SORL1: variants seen among roughly 807,000 people sequenced by gnomAD.
SORL1 encodes the protein sortilin related receptor 1, also known as sortilin-related receptor.
In SORL1, 127 loss-of-function variants were observed where a neutral mutation model predicts 273.7. The observed-to-expected ratio is 0.46, with a 90% CI of 0.40 to 0.54. SORL1 has a LOEUF of 0.54. Among genes scored for constraint, SORL1 ranks in the 20% least tolerant of loss-of-function variants. The pLI is 0.00. For synonymous variants in SORL1, 1,031 were observed against 1,067.4 expected, an observed-to-expected ratio of 0.97 and a Z score of 0.66; for missense variants, 2,494 against 2,846.1, an observed-to-expected ratio of 0.88 and a Z score of 2.81.
rs1863881082 is a variant in SORL1, at chr11:121,631,800, CTAGAG to C, written c.*2240_*2244del. The C allele has an allele frequency of 6.6e-6, 1 of 152,168 alleles. No homozygotes were observed. Among genetic ancestry groups the C allele is most frequent in the African/African-American group, 2.4e-5 (1 of 41,430 alleles). 9.4% of individuals were successfully genotyped at this position (152,168 alleles called of 1,614,324 possible). A position where few individuals can be genotyped will look rare whatever the true frequency, so the allele number is the denominator to read the frequency against. The stretch of plus-strand genomic sequence containing the variant: ...TTTGAAAAAAAGCAGCCTTTTAGGG[CTAGAG>C]TATTTTATATAAACAGAAGAGCTAA... On this transcript the variant is annotated 3_prime_UTR_variant, in exon 48 of 48. Transcript: ENST00000260197.
chr11:121,533,380 T>A (rs1422232248), intron 12 of SORL1, among the ~76,000 whole-genome samples: 1 of 152,192 alleles, frequency 6.6e-6, no homozygotes, highest in Non-Finnish European at 1.5e-5. Context: ...GGATTAGCAC[T>A]TGGGTTTTTC....
chr11:121,570,396 A>C (rs1182642714), intron 23 of SORL1, 126 bp downstream of exon 23: 2 of 611,936 alleles, frequency 3.3e-6, no homozygotes, highest in Non-Finnish European at 5.9e-6. Flanking sequence ...ATCTAAGTTG[A>C]TGGGGCTTAG....
Position 121,542,749 on chromosome 11 carries a change from G to A in SORL1, c.1686-799G>A, listed in dbSNP as rs868079402. ...CTGGCCCCAACACTTTCACCGAATG[G>A]TTTTAGCATCCAGTGATGATCCTTG... is the stretch of plus-strand genomic sequence containing the variant. On this transcript the variant is annotated intron_variant, in intron 12 of 47. Transcript: ENST00000260197. 1.3e-5 allele frequency among the ~76,000 whole-genome samples: 2 copies of A among 151,582 alleles called. 1 individual carries two copies. The highest frequency in any genetic ancestry group is 4.2e-4 in the South Asian group (2 of 4,812).
chr11:121,482,245 A>G (rs1310509738), intron 3 of SORL1, among the ~76,000 whole-genome samples: 2 of 152,108 alleles, frequency 1.3e-5, no homozygotes, highest in Non-Finnish European at 2.9e-5. Context: ...GCAAGGGGAA[A>G]CTGGAGGGTG....
Position 121,513,101 on chromosome 11 carries a change from T to G in SORL1, c.1038T>G (p.Ile346Met), listed in dbSNP as rs933620397. Residue 346 changes from isoleucine (I) to methionine (M), a missense_variant, in exon 7 of 48, where the codon ATT (isoleucine) becomes ATG (methionine). This residue lies in a region of SORL1 where 710 missense variants were observed against 882.5 expected (regional missense o/e 0.80). Coordinates refer to ENST00000260197, the MANE Select transcript of SORL1 (RefSeq NM_003105.6). ...RAAQFVTRHP[I>M]NEYYIADASE... The stretch of plus-strand genomic sequence containing the variant: ...CCCAGTTTGTCACAAGACATCCTAT[T>G]AATGTGAGTGGGGTCTGCTTGAGGA... 1 of 1,603,382 alleles carries G rather than the reference T, an allele frequency of 6.2e-7. No individual in the cohort carries two copies. The highest frequency in any genetic ancestry group is 1.3e-5 in the African/African-American group (1 of 74,710).
chr11:121,514,999 C>A (rs1005810821), intron 8 of SORL1, among the ~76,000 whole-genome samples: 3 of 152,150 alleles, frequency 2.0e-5, no homozygotes, highest in African/African-American at 7.2e-5. Context: ...TTAGAGTCCC[C>A]TCTGCTCTTG....
intron 8 of SORL1, among the ~76,000 whole-genome samples, chr11:121,517,680 TC>T (rs1164711630): frequency 2.6e-5 from 4 of 152,120 alleles, no homozygotes; most frequent in South Asian, 2.1e-4. Context: ...CATGAAGGCC[TC>T]CCCTCCTTGC....
intron 19 of SORL1, among the ~76,000 whole-genome samples, 179 bp downstream of exon 19, chr11:121,557,584 T>C (rs1862610897): frequency 6.6e-6 from 1 of 152,178 alleles, no homozygotes; most frequent in Non-Finnish European, 1.5e-5. Context: ...TCCGTTCGCT[T>C]TTTGTTAGCC....
chr11:121,619,759 G>C lies in SORL1; in HGVS notation c.5731G>C (p.Val1911Leu). 6.2e-7 allele frequency: 1 copy of C among 1,614,012 alleles called. No homozygotes were observed. Among genetic ancestry groups the C allele is most frequent in the East Asian group, 2.2e-5 (1 of 44,888 alleles). The change falls in exon 43 of 48, where the codon GTA (valine) becomes CTA (leucine). Residue 1911 changes from valine to leucine, a missense_variant. Physicochemically the swap from Val to Leu is conservative, Grantham distance 32. This residue lies in a region of SORL1 where 1,609 missense variants were observed against 1,816.4 expected (regional missense o/e 0.89). Transcript: ENST00000260197. ...KDEQYLFLVR[V>L]VVPYQGPSSD... Reference sequence around the variant, plus strand: ...GTGTGTGCTTGGGCTTCAGGTCCGTGTAGTGGTACCCTACCAGGGGCCATC... The same window carrying C: ...GTGTGTGCTTGGGCTTCAGGTCCGTCTAGTGGTACCCTACCAGGGGCCATC...
At chr11:121,531,306 A>G (rs1427952144) in intron 11 of SORL1, among the ~76,000 whole-genome samples, 1 of 152,198 alleles carries the variant, frequency 6.6e-6, no homozygotes, top group Non-Finnish European at 1.5e-5. Context: ...AAGCAGGAGA[A>G]TCACTTGAAC....
Position 121,633,508 on chromosome 11 carries a change from G to A in SORL1, c.*3945G>A, listed in dbSNP as rs967593315. 1 of 152,160 alleles carries A rather than the reference G, an allele frequency of 6.6e-6. No individual in the cohort carries two copies. Among genetic ancestry groups the A allele is most frequent in the South Asian group, 2.1e-4 (1 of 4,832 alleles). The allele number at this position is 152,160 out of a possible 1,614,324, so 9.4% of individuals were successfully genotyped here. A position where few individuals can be genotyped will look rare whatever the true frequency, so the allele number is the denominator to read the frequency against. On this transcript the variant is annotated 3_prime_UTR_variant, in exon 48 of 48. Transcript: ENST00000260197. ...ATTTAAAGTGAAACACTGTATACTT[G>A]TTTCTCTCCAAAGCGAAATTAAGTA...
At chr11:121,487,972 G>C in intron 3 of SORL1, 60 bp from the exon 4 acceptor site, 1 of 1,578,586 alleles carries the variant, frequency 6.3e-7, no homozygotes, top group Non-Finnish European at 8.7e-7. Context: ...ACATGGTTTA[G>C]GGGAGTGTTG....
chr11:121,482,493 T>C (rs1436126040), intron 3 of SORL1, among the ~76,000 whole-genome samples: 2 of 152,192 alleles, frequency 1.3e-5, no homozygotes, highest in African/African-American at 2.4e-5. Context: ...TCTCTGTAGA[T>C]AGTTTCTAAT....
At position 121,566,975 on chromosome 11, in the gene SORL1, C is replaced by A; in HGVS notation, c.3085C>A (p.Leu1029Met). Residue 1029 changes from leucine to methionine, a missense_variant, in exon 22 of 48, where the codon CTG becomes ATG. Coordinates refer to ENST00000260197, the MANE Select transcript of SORL1 (RefSeq NM_003105.6). ...CTGTGTGCCCAGGCCATGCAGCCTG[C>A]TGTGCCTGCCCAAGGCCAACAACAG... ...NACVPRPCSL[L>M]CLPKANNSRS... 1 of 1,614,008 alleles carries A rather than the reference C, an allele frequency of 6.2e-7. No individual in the cohort carries two copies. Among genetic ancestry groups the A allele is most frequent in the Non-Finnish European group, 8.5e-7 (1 of 1,179,940 alleles).
In SORL1 at chr11:121,504,940, G is replaced by A. The variant is rs73593197; in HGVS notation, c.939+7891G>A. Among the ~76,000 whole-genome samples the A allele has an allele frequency of 9.0e-3, 1,376 of 152,150 alleles. 20 individuals are homozygous for A. Among genetic ancestry groups the A allele is most frequent in the African/African-American group, 0.032 (1,312 of 41,524 alleles). ...TGTCAGTGCTTTTTCTGTGTCAGTT[G>A]CAATGATCATATGTTTCTTTTTTTT... On this transcript the variant is annotated intron_variant, in intron 6 of 47. Transcript: ENST00000260197.
At chr11:121,468,296 G>A (rs562434066) in intron 1 of SORL1, among the ~76,000 whole-genome samples, 1 of 152,292 alleles carries the variant, frequency 6.6e-6, no homozygotes, top group African/African-American at 2.4e-5. Context: ...CCTTCCACGT[G>A]TGCCTCAGAC....
At chr11:121,504,758 C>T (rs773874724) in intron 6 of SORL1, among the ~76,000 whole-genome samples, 6 of 152,036 alleles carry the variant, frequency 3.9e-5, no homozygotes, top group Non-Finnish European at 4.4e-5. Flanking sequence ...GAGTAGGCAT[C>T]CTTGTCTTAT....
intron 6 of SORL1, among the ~76,000 whole-genome samples, chr11:121,497,964 C>A (rs1311700336): frequency 1.3e-5 from 2 of 152,090 alleles, no homozygotes; most frequent in Non-Finnish European, 2.9e-5. Flanking sequence ...GTAGGTCAAC[C>A]TTCTTAGTAG....
At chr11:121,475,943 G>T (rs1377663501) in intron 2 of SORL1, among the ~76,000 whole-genome samples, 2 of 152,124 alleles carry the variant, frequency 1.3e-5, no homozygotes, top group Non-Finnish European at 2.9e-5. Flanking sequence ...TCTTTGTTGA[G>T]CACCTGCTAT....
Sources: gnomAD v4.1 joint callset for allele counts (sites outside exome capture counted in the v4.1 genomes callset) on GRCh38, gnomAD v4.1.1 for gene constraint, gnomAD v4.1.1 regional missense constraint, MANE v1.5 for transcripts, NCBI Gene and HGNC (gene_info 2026-07-23, HGNC 2026-07-21) for gene names.